The following FGD4 variants were observed in gnomAD, a reference collection of about 807,000 sequenced individuals.
FGD4 encodes FYVE, RhoGEF and PH domain containing 4, also known as FYVE, RhoGEF and PH domain-containing protein 4.
Under a neutral mutation model 102.0 loss-of-function variants are expected in FGD4, and 42 were observed. That is an observed-to-expected ratio of 0.41 (90% CI 0.32 to 0.53). FGD4 has a LOEUF of 0.53. Among genes scored for constraint, FGD4 ranks in the 20% least tolerant of loss-of-function variants. The pLI, the probability that FGD4 is intolerant of heterozygous loss-of-function variation, is 0.21. For synonymous variants in FGD4, 380 were observed against 375.7 expected (o/e 1.01, Z -0.13); for missense variants, 902 against 1,078.2 (o/e 0.84, Z 2.29).
At position 32,440,015 on chromosome 12, in the gene FGD4, G is replaced by A. The variant is rs113285237; in HGVS notation, c.166+40056G>A. Among the ~76,000 whole-genome samples, 534 of 151,658 alleles carry A rather than the reference G, an allele frequency of 3.5e-3. 6 individuals carry two copies. The highest frequency in any genetic ancestry group is 0.012 in the African/African-American group (493 of 41,240). The stretch of plus-strand genomic sequence containing the variant: ...ATTCTTTTTAATTATTTCAATCTCC[G>A]TTAAATTTATCAGATAGAATTATCA... On this transcript the variant is annotated intron_variant, in intron 1 of 16. Transcript: ENST00000534526.
chr12:32,469,402 C>T (rs908224379), intron 1 of FGD4, among the ~76,000 whole-genome samples: 17 of 151,692 alleles, frequency 1.1e-4, no homozygotes, highest in African/African-American at 3.6e-4. Context: ...CCTCAGCCTC[C>T]CAAGTAGCTG....
intron 1 of FGD4, among the ~76,000 whole-genome samples, chr12:32,560,789 C>T (rs1944478156): frequency 6.6e-6 from 1 of 151,372 alleles, no homozygotes; most frequent in Non-Finnish European, 1.5e-5. Context: ...ACCTCCTGGG[C>T]TCAAGAGATC....
intron 2 of FGD4, among the ~76,000 whole-genome samples, chr12:32,572,084 A>G (rs1469120571): frequency 6.6e-6 from 1 of 151,922 alleles, no homozygotes; most frequent in Non-Finnish European, 1.5e-5. Context: ...GTGTGTATGT[A>G]TGTTTACACA....
intron 2 of FGD4, among the ~76,000 whole-genome samples, chr12:32,570,948 T>G (rs1193789086): frequency 6.6e-6 from 1 of 152,182 alleles, no homozygotes; most frequent in Middle Eastern, 3.2e-3. Context: ...AAATTTCACA[T>G]AGATGTTATA....
chr12:32,480,752 GC>G (rs1178504597), intron 1 of FGD4, among the ~76,000 whole-genome samples: 1 of 149,756 alleles, frequency 6.7e-6, no homozygotes. Flanking sequence ...GCCCTCCTTG[GC>G]CCCCCAAAGT....
At chr12:32,435,569 G>A (rs950080) in intron 1 of FGD4, among the ~76,000 whole-genome samples, 59,265 of 150,624 alleles carry the variant, frequency 0.39, 12,164 homozygotes, top group African/African-American at 0.5. Flanking sequence ...TCCATCATTC[G>A]AACTTATTTT....
At chr12:32,624,522 G>GA in intron 12 of FGD4, 70 bp downstream of exon 12, 1 of 1,269,692 alleles carries the variant, frequency 7.9e-7, no homozygotes, top group South Asian at 1.3e-5. Context: ...CACCCAGTCT[G>GA]GAGTGCAGTG....
rs752180369 is a variant in FGD4 at position 32,601,394 on chromosome 12, G to A, written c.1218G>A (p.Leu406=). Residue 406 remains leucine (L), a synonymous_variant, in exon 6 of 17, where the codon TTG becomes TTA. Coordinates refer to ENST00000534526, the MANE Select transcript of FGD4 (RefSeq NM_001370298.3). ...SINAFHSKFL[L]PELEKRMQEW... is the part of the protein sequence containing the mutation. ...ATGCCTTCCATAGTAAATTCCTCTTGCCAGAGCTGGAGAAACGAATGCAAG... is the reference window on the plus strand; with the variant it reads ...ATGCCTTCCATAGTAAATTCCTCTTACCAGAGCTGGAGAAACGAATGCAAG... 6.2e-7 allele frequency: 1 copy of A among 1,613,992 alleles called. No homozygotes were observed. Among genetic ancestry groups the A allele is most frequent in the South Asian group, 1.1e-5 (1 of 91,074 alleles).
chr12:32,563,689 A>G (rs1473208825), intron 1 of FGD4, among the ~76,000 whole-genome samples: 1 of 152,152 alleles, frequency 6.6e-6, no homozygotes, highest in Non-Finnish European at 1.5e-5. Flanking sequence ...CGATCACGCC[A>G]CTGCACTCCA....
chr12:32,513,028 T>C (rs1023281637), intron 1 of FGD4, among the ~76,000 whole-genome samples: 2 of 152,204 alleles, frequency 1.3e-5, no homozygotes, highest in Non-Finnish European at 1.5e-5. Flanking sequence ...AAAGCTTTGC[T>C]GGGCCAATAA....
chr12:32,609,192 G>A (rs561655262), intron 8 of FGD4, among the ~76,000 whole-genome samples: 2 of 152,270 alleles, frequency 1.3e-5, no homozygotes, highest in African/African-American at 4.8e-5. Context: ...TAGAACACAA[G>A]CTGTCTCAGA....
At chr12:32,561,531 CTT>C (rs1944595528) in intron 1 of FGD4, among the ~76,000 whole-genome samples, 2 of 152,058 alleles carry the variant, frequency 1.3e-5, no homozygotes, top group Admixed American at 6.5e-5. Context: ...TCTGAGTTCT[CTT>C]TGAGATATTT....
intron 1 of FGD4, among the ~76,000 whole-genome samples, chr12:32,411,380 A>G (rs1301262895): frequency 6.6e-6 from 1 of 151,886 alleles, no homozygotes; most frequent in Non-Finnish European, 1.5e-5. Flanking sequence ...CTAAAAATAC[A>G]AAAGTTAGCC....
At chr12:32,517,261 C>T (rs774407615) in intron 1 of FGD4, among the ~76,000 whole-genome samples, 13 of 152,112 alleles carry the variant, frequency 8.5e-5, no homozygotes, top group Non-Finnish European at 1.5e-4. Context: ...GTGGATGATA[C>T]GCAGTTTTCT....
At chr12:32,519,735 C>T (rs1023583121) in intron 1 of FGD4, among the ~76,000 whole-genome samples, 1 of 152,076 alleles carries the variant, frequency 6.6e-6, no homozygotes, top group Non-Finnish European at 1.5e-5. Context: ...GTCAGGAGTT[C>T]GAGACCAGCC....
intron 9 of FGD4, 88 bp downstream of exon 9, chr12:32,610,922 G>T: frequency 7.0e-7 from 1 of 1,425,240 alleles, no homozygotes; most frequent in Non-Finnish European, 9.9e-7. Context: ...GGACCAAAGT[G>T]AATTGAAATA....
intron 1 of FGD4, among the ~76,000 whole-genome samples, chr12:32,495,811 G>T (rs1164322504): frequency 1.3e-5 from 2 of 150,804 alleles, no homozygotes; most frequent in Non-Finnish European, 2.9e-5. Flanking sequence ...ATATCTATTT[G>T]TGTGCGTGCA....
intron 14 of FGD4, among the ~76,000 whole-genome samples, chr12:32,630,053 G>A (rs1950409068): frequency 6.6e-6 from 1 of 152,098 alleles, no homozygotes; most frequent in African/African-American, 2.4e-5. Flanking sequence ...CAGGCCCCAT[G>A]GGCTGTCTCC....
At chr12:32,480,784 C>T (rs949002298) in intron 1 of FGD4, among the ~76,000 whole-genome samples, 2 of 150,150 alleles carry the variant, frequency 1.3e-5, no homozygotes, top group Non-Finnish European at 3.0e-5. Flanking sequence ...CAGGCGTGAG[C>T]CACCACGCCC....
Sources: gnomAD v4.1 joint callset for allele counts (sites outside exome capture counted in the v4.1 genomes callset) on GRCh38, gnomAD v4.1.1 for gene constraint, MANE v1.5 for transcripts, NCBI Gene and HGNC (gene_info 2026-07-23, HGNC 2026-07-21) for gene names.